PTPRR: variants seen among roughly 807,000 people sequenced by gnomAD.
PTPRR encodes the protein protein tyrosine phosphatase receptor type R, also known as receptor-type tyrosine-protein phosphatase R.
PTPRR carries 38 observed loss-of-function variants against 77.2 expected under a neutral mutation model. The ratio of observed to expected loss-of-function variants is 0.49; its 90% CI spans 0.38 to 0.65. The LOEUF is 0.65. Among genes scored for constraint, PTPRR ranks in the 30% least tolerant of loss-of-function variants. The pLI is 0.00. For missense variants in PTPRR, 744 were observed against 799.2 expected, an observed-to-expected ratio of 0.93 and a Z score of 0.83; for synonymous variants, 299 against 283.1, an observed-to-expected ratio of 1.06 and a Z score of -0.57.
intron 2 of PTPRR, among the ~76,000 whole-genome samples, chr12:70,814,415 G>T (rs375434195): frequency 6.6e-6 from 1 of 152,176 alleles, no homozygotes; most frequent in African/African-American, 2.4e-5. Context: ...TCCTCCCAGA[G>T]AGCCTGGCTG....
At chr12:70,669,559 T>TACATAC (rs1887139234) in intron 10 of PTPRR, among the ~76,000 whole-genome samples, 2 of 141,726 alleles carry the variant, frequency 1.4e-5, no homozygotes, top group African/African-American at 2.7e-5. Context: ...ATATATGTTA[T>TACATAC]ACACACACAC....
intron 2 of PTPRR, among the ~76,000 whole-genome samples, chr12:70,883,847 T>C (rs550266782): frequency 6.6e-6 from 1 of 152,336 alleles, no homozygotes; most frequent in East Asian, 1.9e-4. Context: ...CAGAAGAATT[T>C]ATACAATGAA....
intron 1 of PTPRR, among the ~76,000 whole-genome samples, chr12:70,910,494 C>G (rs912870730): frequency 6.6e-6 from 1 of 152,138 alleles, no homozygotes; most frequent in African/African-American, 2.4e-5. Context: ...CATTTGTTAT[C>G]TCCTTCCTGT....
chr12:70,644,015 C>T (rs1886107078), intron 13 of PTPRR, among the ~76,000 whole-genome samples: 1 of 152,184 alleles, frequency 6.6e-6, no homozygotes, highest in Non-Finnish European at 1.5e-5. Context: ...TCATAAGCAT[C>T]CAACTCACAT....
intron 2 of PTPRR, among the ~76,000 whole-genome samples, chr12:70,889,037 G>T (rs551635744): frequency 2.3e-3 from 353 of 152,202 alleles, no homozygotes; most frequent in African/African-American, 8.1e-3. Context: ...CATATCTAGA[G>T]CTAAATGTAC....
chr12:70,796,718 C>T (rs1029043359), intron 2 of PTPRR, among the ~76,000 whole-genome samples: 1 of 151,764 alleles, frequency 6.6e-6, no homozygotes, highest in East Asian at 1.9e-4. Flanking sequence ...AAAAAAAATC[C>T]GGTGTGATTT....
chr12:70,862,507 G>A (rs1051295276), intron 2 of PTPRR, among the ~76,000 whole-genome samples: 6 of 145,806 alleles, frequency 4.1e-5, no homozygotes, highest in Admixed American at 1.4e-4. Context: ...ACCAAACACC[G>A]CATATTCTCA....
chr12:70,824,994 C>A (rs1892084387), intron 2 of PTPRR, among the ~76,000 whole-genome samples: 1 of 152,104 alleles, frequency 6.6e-6, no homozygotes, highest in African/African-American at 2.4e-5. Flanking sequence ...GAGTAGAAAT[C>A]TTAAGTTAGG....
At chr12:70,670,262 A>C (rs748393272) in intron 10 of PTPRR, among the ~76,000 whole-genome samples, 1 of 152,166 alleles carries the variant, frequency 6.6e-6, no homozygotes, top group Non-Finnish European at 1.5e-5. Context: ...TCAGGGTCTT[A>C]TTGCTCTTTG....
chr12:70,724,941 T>C (rs1241419399), intron 6 of PTPRR, among the ~76,000 whole-genome samples: 1 of 152,206 alleles, frequency 6.6e-6, no homozygotes, highest in Non-Finnish European at 1.5e-5. Flanking sequence ...ATAAGATGTG[T>C]TATTTGCACA....
At chr12:70,665,494 G>C (rs892300946) in intron 10 of PTPRR, among the ~76,000 whole-genome samples, 2 of 135,032 alleles carry the variant, frequency 1.5e-5, no homozygotes, top group African/African-American at 5.5e-5. Context: ...CGATTCTCCC[G>C]CCTCAGCCTC....
chr12:70,759,679 TAAAAAAAAAAAAAAAA>T (rs34011060), intron 4 of PTPRR, among the ~76,000 whole-genome samples: 2 of 34,430 alleles, frequency 5.8e-5, no homozygotes, highest in East Asian at 2.4e-3. Context: ...GACTCCGTCT[TAAAAAAAAAAAAAAAA>T]AAAAAAAAAA....
intron 13 of PTPRR, among the ~76,000 whole-genome samples, chr12:70,653,210 C>G (rs1886458792): frequency 6.6e-6 from 1 of 152,110 alleles, no homozygotes; most frequent in African/African-American, 2.4e-5. Flanking sequence ...GGGAGCAGCT[C>G]TGGCTGACTG....
intron 9 of PTPRR, 50 bp from the exon 10 acceptor site, chr12:70,684,314 C>T: frequency 6.3e-7 from 1 of 1,577,898 alleles, no homozygotes; most frequent in South Asian, 1.2e-5. Context: ...TCATGCCTTG[C>T]AGTGAAAGTG....
chr12:70,858,953 CCT>C (rs1491148610), intron 2 of PTPRR, among the ~76,000 whole-genome samples: 2 of 118,750 alleles, frequency 1.7e-5, no homozygotes, highest in African/African-American at 5.2e-5. Flanking sequence ...AGCATTTCGC[CCT>C]TTTTTTTTTT....
intron 2 of PTPRR, among the ~76,000 whole-genome samples, chr12:70,813,252 T>C (rs535075826): frequency 9.2e-5 from 14 of 152,358 alleles, no homozygotes; most frequent in Admixed American, 7.8e-4. Flanking sequence ...ATGCAATGTA[T>C]AGTAAAATGT....
chr12:70,678,134 G>A (rs554861596), intron 10 of PTPRR, among the ~76,000 whole-genome samples: 34 of 152,104 alleles, frequency 2.2e-4, no homozygotes, highest in African/African-American at 8.0e-4. Flanking sequence ...TCCCAGTCCC[G>A]GGTTCAAGTG....
intron 11 of PTPRR, 154 bp from the exon 12 acceptor site, chr12:70,661,251 T>C: frequency 1.1e-6 from 1 of 924,112 alleles, no homozygotes; most frequent in Non-Finnish European, 1.7e-6. Context: ...GAGTGCCCTT[T>C]TACTTTGAGA....
intron 6 of PTPRR, among the ~76,000 whole-genome samples, chr12:70,735,495 A>G (rs1473298269): frequency 6.6e-6 from 1 of 152,182 alleles, no homozygotes; most frequent in African/African-American, 2.4e-5. Flanking sequence ...ACCTGCCCCC[A>G]TGATTCAGTT....
Sources: gnomAD v4.1 joint callset for allele counts (sites outside exome capture counted in the v4.1 genomes callset) on GRCh38, gnomAD v4.1.1 for gene constraint, MANE v1.5 for transcripts, NCBI Gene and HGNC (gene_info 2026-07-23, HGNC 2026-07-21) for gene names.